GRIA1: variants seen among roughly 807,000 people sequenced by gnomAD.
GRIA1 encodes the protein glutamate receptor 1.
GRIA1 carries 31 observed loss-of-function variants against 99.2 expected under a neutral mutation model. The observed-to-expected ratio is 0.31, with a 90% CI of 0.23 to 0.42. The LOEUF is 0.42. Ranked by LOEUF, GRIA1 falls within the 10% of genes least tolerant of loss-of-function variation. The pLI, the probability that GRIA1 is intolerant of heterozygous loss-of-function variation, is 1.00. For synonymous variants in GRIA1, 438 were observed against 432.4 expected, an observed-to-expected ratio of 1.01 and a Z score of -0.16; for missense variants, 782 against 1,157.5, an observed-to-expected ratio of 0.68 and a Z score of 4.71.
At chr5:153,550,422 A>C (rs1036671911) in intron 2 of GRIA1, among the ~76,000 whole-genome samples, 6 of 152,020 alleles carry the variant, frequency 3.9e-5, no homozygotes, top group African/African-American at 1.4e-4. Flanking sequence ...GAGCAGAAGC[A>C]CTCAGATAAG....
At chr5:153,527,992 A>G (rs1757757280) in intron 2 of GRIA1, among the ~76,000 whole-genome samples, 1 of 152,234 alleles carries the variant, frequency 6.6e-6, no homozygotes, top group South Asian at 2.1e-4. Flanking sequence ...ACATTTGTAA[A>G]TTTTACTTTT....
rs1168418878 is a variant in GRIA1, at chr5:153,647,181, T to A, written c.460+14T>A. 1 of 1,611,222 alleles carries A rather than the reference T, an allele frequency of 6.2e-7. No homozygotes were observed. Among genetic ancestry groups the A allele is most frequent in the East Asian group, 2.2e-5 (1 of 44,814 alleles). On this transcript the variant is annotated intron_variant, in intron 3 of 15. Transcript: ENST00000285900. ...ATGCCGACCGGGGTAAGCCAAGGGT[T>A]AGGGGAGGGAGACTTTTGAGGGATG...
chr5:153,492,262 A>T (rs977836903), intron 1 of GRIA1: 1 of 1,535,380 alleles, frequency 6.5e-7, no homozygotes, highest in Non-Finnish European at 8.7e-7. Context: ...GTGGCCATGG[A>T]GTAACTTGCT....
intron 13 of GRIA1, among the ~76,000 whole-genome samples, chr5:153,777,837 T>A (rs932508460): frequency 1.3e-5 from 2 of 152,158 alleles, no homozygotes; most frequent in Non-Finnish European, 2.9e-5. Context: ...TGTCTTCCCA[T>A]AGTATAGTAC....
intron 11 of GRIA1, among the ~76,000 whole-genome samples, chr5:153,760,907 G>A (rs1481397743): frequency 2.6e-5 from 4 of 151,944 alleles, no homozygotes; most frequent in African/African-American, 9.7e-5. Context: ...TTCAACAAAG[G>A]TGTCAAAAAC....
chr5:153,720,217 G>C (rs1441177527), intron 11 of GRIA1, among the ~76,000 whole-genome samples: 1 of 152,186 alleles, frequency 6.6e-6, no homozygotes, highest in African/African-American at 2.4e-5. Context: ...TCTAGGCTTG[G>C]ATGAAGCATT....
At chr5:153,605,140 T>C (rs1471913359) in intron 2 of GRIA1, among the ~76,000 whole-genome samples, 1 of 151,504 alleles carries the variant, frequency 6.6e-6, no homozygotes, top group Non-Finnish European at 1.5e-5. Context: ...TGAGCCAAGA[T>C]TGCACCACTG....
At chr5:153,766,650 G>T (rs1307228043) in intron 12 of GRIA1, among the ~76,000 whole-genome samples, 2 of 152,134 alleles carry the variant, frequency 1.3e-5, no homozygotes, top group Non-Finnish European at 2.9e-5. Context: ...GAACCACATG[G>T]TCTTAATGTG....
At chr5:153,640,466 ACCCTGAC>A (rs2149445949) in intron 2 of GRIA1, among the ~76,000 whole-genome samples, 1 of 152,246 alleles carries the variant, frequency 6.6e-6, no homozygotes, top group Non-Finnish European at 1.5e-5. Context: ...TCTGTGCCAT[ACCCTGAC>A]CCCAGTCATA....
At chr5:153,745,497 G>A (rs1762087036) in intron 11 of GRIA1, among the ~76,000 whole-genome samples, 2 of 149,482 alleles carry the variant, frequency 1.3e-5, no homozygotes, top group African/African-American at 2.5e-5. Flanking sequence ...GCTGAGGCAG[G>A]AGAATTGCTT....
chr5:153,589,583 T>C (rs935631390), intron 2 of GRIA1, among the ~76,000 whole-genome samples: 1 of 152,146 alleles, frequency 6.6e-6, no homozygotes. Context: ...GCTCGCTTGT[T>C]TGTCTGTGTG....
chr5:153,547,359 C>T (rs1454158527), intron 2 of GRIA1, among the ~76,000 whole-genome samples: 1 of 151,274 alleles, frequency 6.6e-6, no homozygotes, highest in East Asian at 1.9e-4. Flanking sequence ...TCCTATTTCT[C>T]TCTCTTTTAA....
intron 2 of GRIA1, among the ~76,000 whole-genome samples, chr5:153,519,204 G>A (rs1756907777): frequency 2.0e-5 from 3 of 152,092 alleles, no homozygotes; most frequent in Non-Finnish European, 1.5e-5. Context: ...GGCAGCTGCA[G>A]TGAGCCAAGA....
chr5:153,639,499 CT>C (rs1753636280), intron 2 of GRIA1, among the ~76,000 whole-genome samples: 1 of 152,218 alleles, frequency 6.6e-6, no homozygotes, highest in African/African-American at 2.4e-5. Context: ...TTTAGCCTGG[CT>C]GGCTCCTTCT....
intron 13 of GRIA1, among the ~76,000 whole-genome samples, chr5:153,793,655 AG>A (rs1373213536): frequency 1.3e-5 from 2 of 152,178 alleles, no homozygotes; most frequent in African/African-American, 4.8e-5. Flanking sequence ...AGGGTCTCAG[AG>A]GGCAAGTGAG....
chr5:153,641,033 A>C (rs1422893), intron 2 of GRIA1, among the ~76,000 whole-genome samples: 45,709 of 152,114 alleles, frequency 0.3, 7,799 homozygotes, highest in Non-Finnish European at 0.39. Context: ...AGTGATGGAA[A>C]TGAAGCACAT....
At chr5:153,727,392 T>C (rs372344486) in intron 11 of GRIA1, among the ~76,000 whole-genome samples, 7 of 152,126 alleles carry the variant, frequency 4.6e-5, no homozygotes, top group South Asian at 2.1e-4. Flanking sequence ...CCAGGGCAAT[T>C]AGGCAGGAGA....
At chr5:153,695,280 A>G (rs559435263) in intron 8 of GRIA1, among the ~76,000 whole-genome samples, 1 of 152,268 alleles carries the variant, frequency 6.6e-6, no homozygotes, top group South Asian at 2.1e-4. Flanking sequence ...AAAACAAAAC[A>G]ATACCAAAGG....
chr5:153,625,557 G>A (rs1767522318), intron 2 of GRIA1, among the ~76,000 whole-genome samples: 1 of 152,192 alleles, frequency 6.6e-6, no homozygotes, highest in Non-Finnish European at 1.5e-5. Flanking sequence ...GGGAGAGTGG[G>A]ATGAGAAAAA....
Sources: allele counts gnomAD v4.1 joint callset (sites outside exome capture counted in the v4.1 genomes callset), GRCh38; gene constraint gnomAD v4.1.1; transcripts MANE v1.5; gene names NCBI Gene and HGNC (gene_info 2026-07-23, HGNC 2026-07-21).